SLC9A8: variants seen among roughly 807,000 people sequenced by gnomAD.
SLC9A8 encodes the protein solute carrier family 9 member A8.
Under a neutral mutation model 66.6 loss-of-function variants are expected in SLC9A8, and 48 were observed. The ratio of observed to expected loss-of-function variants is 0.72; its 90% CI spans 0.57 to 0.92. SLC9A8 has a LOEUF of 0.92. Among genes scored for constraint, SLC9A8 ranks in the 40% least tolerant of loss-of-function variants. The probability of loss-of-function intolerance (pLI) is 0.00; values close to 1 mark genes in which losing one functional copy is unlikely to be tolerated. For missense variants in SLC9A8, 599 were observed against 747.3 expected, an observed-to-expected ratio of 0.80 and a Z score of 2.31; for synonymous variants, 274 against 282.6, an observed-to-expected ratio of 0.97 and a Z score of 0.31.
intron 5 of SLC9A8, among the ~76,000 whole-genome samples, chr20:49,847,385 T>C (rs2088043733): frequency 1.4e-5 from 2 of 147,840 alleles, no homozygotes; most frequent in African/African-American, 2.5e-5. Flanking sequence ...TTCTTTTCTT[T>C]TTTTTTTTTT....
At chr20:49,856,884 G>C (rs1349364130) in intron 8 of SLC9A8, among the ~76,000 whole-genome samples, 1 of 151,948 alleles carries the variant, frequency 6.6e-6, no homozygotes, top group Non-Finnish European at 1.5e-5. Context: ...TAGCTACTAG[G>C]GATGCAGTGA....
In SLC9A8 at chr20:49,884,013, A is replaced by T; in HGVS notation, c.1438A>T (p.Lys480Ter). 6.2e-7 allele frequency: 1 copy of T among 1,613,686 alleles called. No individual in the cohort carries two copies. Among genetic ancestry groups the T allele is most frequent in the Non-Finnish European group, 8.5e-7 (1 of 1,179,990 alleles). The change falls in exon 14 of 16, where the codon AAG becomes TAG. Residue 480 changes from lysine (K) to a stop codon, truncating the protein, a stop_gained. Coordinates refer to ENST00000361573, the MANE Select transcript of SLC9A8 (RefSeq NM_015266.3). LOFTEE classifies it high-confidence loss of function. ...LIRLMDIEDA[K>*]AHRRNKKDVN... ...TCGCCTCATGGACATCGAGGACGCC[A>T]AGGCACACCGCAGGAACAAGAAGGA...
At chr20:49,819,590 A>G (rs756395018) in intron 2 of SLC9A8, among the ~76,000 whole-genome samples, 8 of 152,280 alleles carry the variant, frequency 5.3e-5, no homozygotes, top group Admixed American at 3.3e-4. Flanking sequence ...TTTAAAATGT[A>G]CAGTTCAGCA....
chr20:49,871,014 TA>T (rs2089189277), intron 10 of SLC9A8, among the ~76,000 whole-genome samples: 2 of 152,234 alleles, frequency 1.3e-5, no homozygotes, highest in Admixed American at 1.3e-4. Context: ...ACTTTAAAGA[TA>T]AACTTTATAA....
At chr20:49,852,005 C>T (rs1359539954) in intron 7 of SLC9A8, among the ~76,000 whole-genome samples, 1 of 152,150 alleles carries the variant, frequency 6.6e-6, no homozygotes, top group Non-Finnish European at 1.5e-5. Flanking sequence ...AAGGAATTGC[C>T]CTGTAGACAC....
chr20:49,842,025 C>T (rs941583350), intron 4 of SLC9A8, among the ~76,000 whole-genome samples: 1 of 151,874 alleles, frequency 6.6e-6, no homozygotes. Context: ...CAGGATTGAG[C>T]CACGTGGCCT....
intron 7 of SLC9A8, among the ~76,000 whole-genome samples, chr20:49,851,172 T>C (rs141645377): frequency 2.0e-5 from 3 of 152,332 alleles, no homozygotes; most frequent in African/African-American, 4.8e-5. Context: ...TACAAGACTT[T>C]TCAGTCGCCG....
chr20:49,817,987 G>A (rs570562680), intron 2 of SLC9A8, among the ~76,000 whole-genome samples: 1 of 151,996 alleles, frequency 6.6e-6, no homozygotes, highest in South Asian at 2.1e-4. Flanking sequence ...TATTTACACT[G>A]CTGTCAATTT....
chr20:49,828,072 AATTTTTTTTTT>A lies in SLC9A8; in HGVS notation c.289+4932_289+4942del, dbSNP rs769144108. 1.5e-3 allele frequency among the ~76,000 whole-genome samples: 215 copies of A among 143,144 alleles called. 7 individuals are homozygous for A. The East Asian group carries it at 0.04, about 27-fold the overall frequency. 93.9% of individuals were successfully genotyped at this position (143,144 alleles called of 152,430 possible). ...AGCCCCCGTACCCCCACCAAAAAAAAATTTTTTTTTTTTTTTTTTTTTTTTGAGATAGAGTT... is the reference window on the plus strand; with the variant it reads ...AGCCCCCGTACCCCCACCAAAAAAAATTTTTTTTTTTTTTGAGATAGAGTT... On this transcript the variant is annotated intron_variant, in intron 3 of 15. Transcript: ENST00000361573.
chr20:49,882,012 CT>C (rs1216186368), intron 13 of SLC9A8, among the ~76,000 whole-genome samples: 1 of 152,098 alleles, frequency 6.6e-6, no homozygotes, highest in Non-Finnish European at 1.5e-5. Flanking sequence ...TCCCCGGGCT[CT>C]TGCTCTGTGG....
chr20:49,880,194 G>A (rs1235153641), intron 12 of SLC9A8, among the ~76,000 whole-genome samples: 1 of 149,582 alleles, frequency 6.7e-6, no homozygotes, highest in African/African-American at 2.5e-5. Flanking sequence ...AGCCCAGGAG[G>A]TTGAGGTTGC....
rs1568812500 is a variant in SLC9A8, at chr20:49,834,316, ATATATATATATACTGTG to A, written c.290-5212_290-5196del. Among the ~76,000 whole-genome samples the A allele has an allele frequency of 1.2e-3, 120 of 103,606 alleles. 5 individuals carry two copies. Among genetic ancestry groups the A allele is most frequent in the Non-Finnish European group, 1.8e-3 (85 of 48,416 alleles). 68.0% of individuals were successfully genotyped at this position (103,606 alleles called of 152,430 possible). Reference sequence around the variant, plus strand: ...TACACACACTATATATACAGTGTGTATATATATATATACTGTGTATATATATATATACTGTATATATA... The same window carrying A: ...TACACACACTATATATACAGTGTGTATATATATATATATACTGTATATATA... On this transcript the variant is annotated intron_variant, in intron 3 of 15. Transcript: ENST00000361573.
At chr20:49,875,230 A>T (rs773445948) in intron 11 of SLC9A8, among the ~76,000 whole-genome samples, 5 of 151,492 alleles carry the variant, frequency 3.3e-5, no homozygotes, top group Middle Eastern at 3.4e-3. Flanking sequence ...GACTGAGAGG[A>T]TCACTTGAGC....
chr20:49,855,766 G>C (rs6020088), intron 8 of SLC9A8, among the ~76,000 whole-genome samples, 185 bp downstream of exon 8: 1 of 152,162 alleles, frequency 6.6e-6, no homozygotes, highest in Admixed American at 6.5e-5. Context: ...AATATGGTCA[G>C]GTTCCAGGGG....
intron 14 of SLC9A8, among the ~76,000 whole-genome samples, chr20:49,884,336 A>ACACACACACACACAC (rs1568884621): frequency 1.8e-5 from 2 of 108,474 alleles, no homozygotes; most frequent in Admixed American, 9.7e-5. Flanking sequence ...ACACACACAC[A>ACACACACACACACAC]CCCCCCGGTC....
chr20:49,884,470 C>G (rs530040655), intron 14 of SLC9A8, among the ~76,000 whole-genome samples: 3 of 152,156 alleles, frequency 2.0e-5, no homozygotes, highest in East Asian at 3.9e-4. Flanking sequence ...TCTGCTCCCT[C>G]TCTGAAGCTC....
intron 5 of SLC9A8, among the ~76,000 whole-genome samples, chr20:49,845,353 C>T (rs959118048): frequency 6.6e-6 from 1 of 152,178 alleles, no homozygotes; most frequent in Non-Finnish European, 1.5e-5. Flanking sequence ...CCAGTGTTTG[C>T]CATAAATGGG....
In SLC9A8 at chr20:49,883,917, A is replaced by C; in HGVS notation, c.1342A>C (p.Ile448Leu). The C allele has an allele frequency of 6.2e-7, 1 of 1,611,700 alleles. No homozygotes were observed. ...DLEPMEKRQL[I>L]GTTTIVIVLF... Reference sequence around the variant, plus strand: ...GGAGCCCATGGAGAAGCGGCAGCTCATCGGCACCACCACCATCGTCATCGT... The same window carrying C: ...GGAGCCCATGGAGAAGCGGCAGCTCCTCGGCACCACCACCATCGTCATCGT... Residue 448 changes from isoleucine (I) to leucine (L), a missense_variant, in exon 14 of 16, where the codon ATC becomes CTC. Coordinates refer to ENST00000361573, the MANE Select transcript of SLC9A8 (RefSeq NM_015266.3).
At chr20:49,870,936 G>A (rs1055987348) in intron 10 of SLC9A8, among the ~76,000 whole-genome samples, 1 of 152,178 alleles carries the variant, frequency 6.6e-6, no homozygotes, top group Non-Finnish European at 1.5e-5. Context: ...CTGGGCTCAA[G>A]CAATCCACCC....
Sources: allele counts gnomAD v4.1 joint callset (sites outside exome capture counted in the v4.1 genomes callset), GRCh38; gene constraint gnomAD v4.1.1; transcripts MANE v1.5; gene names NCBI Gene and HGNC (gene_info 2026-07-23, HGNC 2026-07-21).